DCDC1: variants seen among roughly 807,000 people sequenced by gnomAD.
DCDC1 encodes doublecortin domain containing 1.
A neutral mutation model predicts 178.3 loss-of-function variants in DCDC1; 200 were observed. The ratio of observed to expected loss-of-function variants is 1.12; its 90% CI spans 1.00 to 1.26. The LOEUF is 1.26. Among genes scored for constraint, DCDC1 ranks in the 50% most tolerant of loss-of-function variants. The pLI is 0.00. For missense variants in DCDC1, 1,983 were observed against 1,749.2 expected (o/e 1.13, Z -2.38); for synonymous variants, 690 against 604.8 (o/e 1.14, Z -2.07).
chr11:31,113,950 C>T (rs528668170), intron 11 of DCDC1, among the ~76,000 whole-genome samples: 2 of 152,272 alleles, frequency 1.3e-5, no homozygotes, highest in South Asian at 4.1e-4. Context: ...TTAATTGGCT[C>T]TGTTAATTTC....
At chr11:31,045,476 T>C (rs1180879998) in intron 20 of DCDC1, among the ~76,000 whole-genome samples, 1 of 151,998 alleles carries the variant, frequency 6.6e-6, no homozygotes, top group Non-Finnish European at 1.5e-5. Context: ...GGCTTCTAAA[T>C]AGCTTAGCAG....
chr11:31,290,861 T>A lies in DCDC1; in HGVS notation c.755-9A>T. On this transcript the variant is annotated splice_polypyrimidine_tract_variant and intron_variant, in intron 6 of 38. Coordinates refer to ENST00000684477, the MANE Select transcript of DCDC1 (RefSeq NM_001387274.1). ...AATTAACAACAGATGGTCTAGAAGA[T>A]AATTTTTTAAGTCAAGTCAATATTT... is the stretch of plus-strand genomic sequence containing the variant. The A allele has an allele frequency of 6.2e-7, 1 of 1,601,238 alleles. No homozygotes were observed. The highest frequency in any genetic ancestry group is 1.8e-5 in the Admixed American group (1 of 56,868).
chr11:31,357,499 T>C (rs1951445586), intron 1 of DCDC1, among the ~76,000 whole-genome samples: 1 of 152,024 alleles, frequency 6.6e-6, no homozygotes, highest in African/African-American at 2.4e-5. Context: ...TGGGCAAAAA[T>C]GGGAAGCATT....
At chr11:30,983,361 G>C (rs1950484540) in intron 20 of DCDC1, among the ~76,000 whole-genome samples, 1 of 152,140 alleles carries the variant, frequency 6.6e-6, no homozygotes, top group Non-Finnish European at 1.5e-5. Context: ...ATTATACAGA[G>C]GAAACACAAT....
At chr11:30,944,435 T>C (rs1044382902) in intron 21 of DCDC1, 7 of 425,228 alleles carry the variant, frequency 1.6e-5, no homozygotes, top group Non-Finnish European at 2.4e-5. Context: ...ACCCAAAGTA[T>C]TCTGAATGCC....
intron 27 of DCDC1, among the ~76,000 whole-genome samples, chr11:30,911,955 T>A (rs1011337760): frequency 5.9e-5 from 9 of 152,308 alleles, no homozygotes; most frequent in Non-Finnish European, 1.0e-4. Flanking sequence ...TAATTCCCAA[T>A]GTGGCAGTAT....
At chr11:30,891,952 A>G (rs540328767) in intron 36 of DCDC1, among the ~76,000 whole-genome samples, 2 of 152,258 alleles carry the variant, frequency 1.3e-5, no homozygotes, top group South Asian at 4.1e-4. Context: ...ACCAGCCTCC[A>G]TGAACTTCTC....
intron 7 of DCDC1, among the ~76,000 whole-genome samples, chr11:31,274,122 C>A (rs1352961122): frequency 6.6e-6 from 1 of 152,118 alleles, no homozygotes; most frequent in Non-Finnish European, 1.5e-5. Context: ...ACTATTTTTT[C>A]TCCTGCTTTC....
At chr11:31,213,941 A>T (rs1163240924) in intron 9 of DCDC1, among the ~76,000 whole-genome samples, 1 of 152,122 alleles carries the variant, frequency 6.6e-6, no homozygotes, top group Non-Finnish European at 1.5e-5. Context: ...TATATATATG[A>T]ATATGCCTAG....
intron 20 of DCDC1, among the ~76,000 whole-genome samples, chr11:31,037,714 C>T (rs886855455): frequency 1.2e-4 from 19 of 152,040 alleles, no homozygotes; most frequent in African/African-American, 3.6e-4. Flanking sequence ...CCACCCGCCT[C>T]GGCCTCCCAA....
At chr11:31,036,456 T>C (rs192355636) in intron 20 of DCDC1, among the ~76,000 whole-genome samples, 2 of 152,262 alleles carry the variant, frequency 1.3e-5, no homozygotes, top group African/African-American at 2.4e-5. Context: ...CCCACCTATG[T>C]CTCTGTGACA....
intron 21 of DCDC1, among the ~76,000 whole-genome samples, chr11:30,939,787 C>T (rs949539300): frequency 1.3e-5 from 2 of 152,072 alleles, no homozygotes; most frequent in Non-Finnish European, 2.9e-5. Context: ...TTTATCATGT[C>T]TTGAAAATGG....
intron 20 of DCDC1, among the ~76,000 whole-genome samples, chr11:31,017,314 T>C (rs958373339): frequency 6.6e-6 from 1 of 152,170 alleles, no homozygotes; most frequent in African/African-American, 2.4e-5. Context: ...AACATGAAGA[T>C]ACTCAGATAA....
At chr11:31,252,169 G>A (rs1188758294) in intron 8 of DCDC1, among the ~76,000 whole-genome samples, 1 of 152,144 alleles carries the variant, frequency 6.6e-6, no homozygotes, top group Non-Finnish European at 1.5e-5. Context: ...TTAGCATACT[G>A]TAAATCTCTG....
At chr11:31,002,467 TAC>T (rs1316074111) in intron 20 of DCDC1, among the ~76,000 whole-genome samples, 1 of 152,158 alleles carries the variant, frequency 6.6e-6, no homozygotes. Context: ...AGCCCTCCAA[TAC>T]ACCCGCCTGC....
intron 8 of DCDC1, among the ~76,000 whole-genome samples, chr11:31,259,931 A>G (rs1944671062): frequency 6.6e-6 from 1 of 152,154 alleles, no homozygotes; most frequent in African/African-American, 2.4e-5. Flanking sequence ...ATCATTTTGC[A>G]TGCAGTGGCC....
intron 20 of DCDC1, among the ~76,000 whole-genome samples, chr11:31,029,256 A>G (rs2135262640): frequency 6.6e-6 from 1 of 152,244 alleles, no homozygotes; most frequent in African/African-American, 2.4e-5. Flanking sequence ...AATTCCTGAA[A>G]TAAAAGCTCC....
rs138392119 is a variant in DCDC1 at position 31,354,095 on chromosome 11, G to A, written c.-125+15602C>T. On this transcript the variant is annotated intron_variant, in intron 1 of 38. Transcript: ENST00000684477. ...GAGGTCAAGAGATAGAGACCATCCC[G>A]GCCAACATGGTGAAATCCTGTCTCT... Among the ~76,000 whole-genome samples the A allele has an allele frequency of 9.0e-3, 1,364 of 152,204 alleles. 26 individuals carry two copies. The highest frequency in any genetic ancestry group is 0.032 in the African/African-American group (1,313 of 41,528).
chr11:31,223,234 T>C (rs1402577692), intron 9 of DCDC1, among the ~76,000 whole-genome samples: 2 of 152,308 alleles, frequency 1.3e-5, no homozygotes, highest in South Asian at 4.1e-4. Context: ...ATGGTTATTA[T>C]GTACAATAGC....
Sources: gnomAD v4.1 joint callset for allele counts (sites outside exome capture counted in the v4.1 genomes callset) on GRCh38, gnomAD v4.1.1 for gene constraint, MANE v1.5 for transcripts, NCBI Gene and HGNC (gene_info 2026-07-23, HGNC 2026-07-21) for gene names.